WNK2: variants seen among roughly 807,000 people sequenced by gnomAD.
The protein encoded by WNK2 is WNK lysine deficient protein kinase 2, also known as serine/threonine-protein kinase WNK2.
WNK2 carries 67 observed loss-of-function variants against 192.1 expected under a neutral mutation model. The observed-to-expected ratio is 0.35, with a 90% confidence interval of 0.29 to 0.43. The LOEUF is 0.43. Ranked by LOEUF, WNK2 falls within the 20% of genes least tolerant of loss-of-function variation. WNK2 has a pLI of 1.00. For synonymous variants in WNK2, 1,439 were observed against 1,393.9 expected (o/e 1.03, Z -0.72); for missense variants, 2,698 against 3,089.7 (o/e 0.87, Z 3.01).
intron 19 of WNK2, among the ~76,000 whole-genome samples, chr9:93,276,631 A>G (rs1028464377): frequency 2.0e-5 from 3 of 152,258 alleles, no homozygotes; most frequent in Non-Finnish European, 2.9e-5. Context: ...AAGAGAATGA[A>G]AAGACAAGCT....
intron 2 of WNK2, among the ~76,000 whole-genome samples, chr9:93,223,813 C>T (rs1383796418): frequency 6.6e-6 from 1 of 152,218 alleles, no homozygotes; most frequent in African/African-American, 2.4e-5. Context: ...GCCAAGCCTC[C>T]TAGAGCAGTG....
intron 4 of WNK2, among the ~76,000 whole-genome samples, chr9:93,233,590 T>G (rs1440817369): frequency 6.7e-6 from 1 of 149,932 alleles, no homozygotes; most frequent in Non-Finnish European, 1.5e-5. Flanking sequence ...CCCAGCTACT[T>G]GGGAGGCTGA....
rs1841869151 is a variant in WNK2 at position 93,247,170 on chromosome 9, C to T, written c.1543-373C>T. Among the ~76,000 whole-genome samples the T allele has an allele frequency of 6.6e-6, 1 of 152,240 alleles. No individual in the cohort carries two copies. The highest frequency in any genetic ancestry group is 2.4e-5 in the African/African-American group (1 of 41,462). ...CAGAGACGTTTCAGGAAAATGCTAG[C>T]TCCAAAGCTCCTTGTCACCACTTCT... is the stretch of plus-strand genomic sequence containing the variant. On this transcript the variant is annotated intron_variant, in intron 7 of 29. Transcript: ENST00000427277. This position sits in a 1 kb window ranked among gnomAD's most constrained non-coding sequence, Gnocchi z 5.2.
chr9:93,199,788 A>C (rs1564280919), intron 2 of WNK2, among the ~76,000 whole-genome samples: 1 of 151,848 alleles, frequency 6.6e-6, no homozygotes, highest in African/African-American at 2.4e-5. Flanking sequence ...AGTCCCAGCT[A>C]CTTGGGCAGC....
chr9:93,240,891 C>T (rs1291951639), intron 7 of WNK2, among the ~76,000 whole-genome samples: 1 of 152,244 alleles, frequency 6.6e-6, no homozygotes, highest in Admixed American at 6.5e-5. Context: ...TTCAAGTGCT[C>T]TGTGCCAAGT....
intron 2 of WNK2, among the ~76,000 whole-genome samples, chr9:93,198,263 C>T (rs1300907272): frequency 2.0e-5 from 3 of 152,318 alleles, no homozygotes; most frequent in East Asian, 1.9e-4. Context: ...GGAACTGCCC[C>T]GCCTCTGAGT....
intron 2 of WNK2, among the ~76,000 whole-genome samples, chr9:93,194,323 G>A (rs2131062658): frequency 6.6e-6 from 1 of 152,250 alleles, no homozygotes; most frequent in Non-Finnish European, 1.5e-5. Context: ...ATCTGCTTAA[G>A]GACTGTTATC....
At chr9:93,235,248 A>T (rs1174034869) in intron 5 of WNK2, among the ~76,000 whole-genome samples, 1 of 152,126 alleles carries the variant, frequency 6.6e-6, no homozygotes, top group African/African-American at 2.4e-5. Context: ...CACAGCAGGG[A>T]TGGTGGGGAG....
chr9:93,262,654 C>T lies in WNK2; in HGVS notation c.3361-16C>T, dbSNP rs373819076. The T allele has an allele frequency of 1.0e-4, 169 of 1,612,654 alleles. No individual in the cohort carries two copies. In the East Asian group the frequency reaches 3.0e-3, roughly 29 times the overall value. ...TCCGCATGACCTGTTCTCTTTTCTC[C>T]GGGTGTTTATTTCAGGAGCAGGCCT... On this transcript the variant is annotated splice_polypyrimidine_tract_variant and intron_variant, in intron 13 of 29. Coordinates refer to ENST00000427277, the MANE Select transcript of WNK2 (RefSeq NM_006648.4).
intron 14 of WNK2, 25 bp downstream of exon 14, chr9:93,262,744 G>C: frequency 6.2e-7 from 1 of 1,610,588 alleles, no homozygotes; most frequent in Non-Finnish European, 8.5e-7. Context: ...CCTCGACCTC[G>C]CAGGACGGGT....
At chr9:93,313,740 T>G (rs750659107) in intron 28 of WNK2, among the ~76,000 whole-genome samples, 1 of 152,228 alleles carries the variant, frequency 6.6e-6, no homozygotes, top group Non-Finnish European at 1.5e-5. Context: ...GTTTAACTTT[T>G]TATTATTGAT....
At chr9:93,230,037 G>A (rs56154239) in intron 3 of WNK2, among the ~76,000 whole-genome samples, 169 bp downstream of exon 3, 23,662 of 152,162 alleles carry the variant, frequency 0.16, 2,092 homozygotes, top group East Asian at 0.26. Context: ...ACTTCCCAGG[G>A]AGATGGTTGA....
intron 2 of WNK2, among the ~76,000 whole-genome samples, chr9:93,186,969 TC>T (rs1231399679): frequency 6.6e-6 from 1 of 151,734 alleles, no homozygotes; most frequent in East Asian, 1.9e-4. Flanking sequence ...GATCTGGGGG[TC>T]CTGGGGTGTG....
At position 93,269,048 on chromosome 9, in the gene WNK2, C is replaced by T. The variant is rs116774217; in HGVS notation, c.4033+302C>T. 7.9e-4 allele frequency: 851 copies of T among 1,074,890 alleles called. 8 individuals are homozygous for T. In the African/African-American group the frequency reaches 0.012, roughly 15 times the overall value. The allele number at this position is 1,074,890 out of a possible 1,614,324, so 66.6% of individuals were successfully genotyped here. ...GCTGTCCTTCCTTCACAGTGTTAAC[C>T]TGGCAACTCCTTGCTCCTGTCCCTT... is the stretch of plus-strand genomic sequence containing the variant. On this transcript the variant is annotated intron_variant, in intron 19 of 29. Transcript: ENST00000427277.
chr9:93,304,575 C>T (rs1178353142), intron 26 of WNK2, among the ~76,000 whole-genome samples: 1 of 152,242 alleles, frequency 6.6e-6, no homozygotes, highest in East Asian at 1.9e-4. Context: ...TTCCTTTGTT[C>T]TCCCGTTGCT....
In WNK2 at chr9:93,261,878, T is replaced by C; in HGVS notation, c.3131T>C (p.Val1044Ala). 1 of 1,601,622 alleles carries C rather than the reference T, an allele frequency of 6.2e-7. No homozygotes were observed. Among genetic ancestry groups the C allele is most frequent in the Non-Finnish European group, 8.5e-7 (1 of 1,179,566 alleles). ...DVAAQVPTVP[V>A]PPAAVLSPPL... ...GCCGCTCAGGTCCCCACCGTGCCTG[T>C]GCCACCGGCTGCGGTCCTCTCGCCG... is the stretch of plus-strand genomic sequence containing the variant. The change falls in exon 13 of 30, where the codon GTG (valine) becomes GCG (alanine). Residue 1044 changes from valine (V) to alanine (A), a missense_variant. By Grantham distance (64) the Val-to-Ala change is moderately conservative. Transcript: ENST00000427277.
intron 19 of WNK2, among the ~76,000 whole-genome samples, chr9:93,280,988 A>G (rs1213202509): frequency 3.9e-5 from 6 of 152,230 alleles, no homozygotes; most frequent in African/African-American, 1.4e-4. Flanking sequence ...AATGCTTGCC[A>G]TGTGACTGGA....
chr9:93,228,973 G>A (rs548783960), intron 2 of WNK2, among the ~76,000 whole-genome samples: 44 of 152,254 alleles, frequency 2.9e-4, no homozygotes, highest in Non-Finnish European at 2.1e-4. Flanking sequence ...CCTGGGGTTG[G>A]TGGTTCCCTT....
In WNK2 at chr9:93,267,842, A is replaced by G; in HGVS notation, c.3793A>G (p.Thr1265Ala). ...GGCAGAGGACATGCTCAGCGAGGACACAGACGCCGACCGTGGCTCCGACCC... is the reference window on the plus strand; with the variant it reads ...GGCAGAGGACATGCTCAGCGAGGACGCAGACGCCGACCGTGGCTCCGACCC... ...DKAEDMLSED[T>A]DADRGSDPGT... The change falls in exon 17 of 30, where the codon ACA becomes GCA. Residue 1265 changes from threonine to alanine, a missense_variant. This residue lies in a region of WNK2 where 1,098 missense variants were observed against 1,101.0 expected (regional missense o/e 1.00). Transcript: ENST00000427277. 6.2e-7 allele frequency: 1 copy of G among 1,612,312 alleles called. No individual in the cohort carries two copies. Among genetic ancestry groups the G allele is most frequent in the Non-Finnish European group, 8.5e-7 (1 of 1,179,426 alleles).
Sources: gnomAD v4.1 joint callset for allele counts (sites outside exome capture counted in the v4.1 genomes callset) on GRCh38, gnomAD v4.1.1 for gene constraint, gnomAD v4.1.1 regional missense constraint, Gnocchi (gnomAD v3.1) non-coding constraint, MANE v1.5 for transcripts, NCBI Gene and HGNC (gene_info 2026-07-23, HGNC 2026-07-21) for gene names.